The following VEZF1 variants were observed in gnomAD, a reference collection of about 807,000 sequenced individuals.
VEZF1 encodes the protein vascular endothelial zinc finger 1.
Under a neutral mutation model 44.1 loss-of-function variants are expected in VEZF1, and 5 were observed. The ratio of observed to expected loss-of-function variants is 0.11; its 90% CI spans 0.06 to 0.24. The LOEUF (loss-of-function observed/expected upper bound fraction) is 0.24, where lower values mean the gene tolerates loss of function less well. Among genes scored for constraint, VEZF1 ranks in the 10% least tolerant of loss-of-function variants. The probability of loss-of-function intolerance (pLI) is 1.00; values close to 1 mark genes in which losing one functional copy is unlikely to be tolerated. For synonymous variants in VEZF1, 236 were observed against 233.1 expected (o/e 1.01, Z -0.11); for missense variants, 358 against 641.8 (o/e 0.56, Z 4.78).
At chr17:57,983,487 T>C in intron 1 of VEZF1, 94 bp from the exon 2 acceptor site, 1 of 1,117,506 alleles carries the variant, frequency 8.9e-7, no homozygotes, top group African/African-American at 1.6e-5. Context: ...GAAGAAACAG[T>C]CAAAGAACCT....
chr17:57,986,963 G>A (rs2075299913), intron 1 of VEZF1, among the ~76,000 whole-genome samples: 1 of 152,150 alleles, frequency 6.6e-6, no homozygotes, highest in Non-Finnish European at 1.5e-5. Context: ...CATCGCTACT[G>A]CCCACTGAAT....
chr17:57,986,426 G>A (rs2075294314), intron 1 of VEZF1, among the ~76,000 whole-genome samples: 1 of 151,884 alleles, frequency 6.6e-6, no homozygotes, highest in Non-Finnish European at 1.5e-5. Context: ...TTTTTTCTGG[G>A]GAAAGTATTT....
At chr17:57,978,999 T>C (rs2075218964) in intron 5 of VEZF1, among the ~76,000 whole-genome samples, 153 bp downstream of exon 5, 1 of 152,240 alleles carries the variant, frequency 6.6e-6, no homozygotes, top group Admixed American at 6.5e-5. Context: ...TGCCAATAAC[T>C]ATACTTTACC....
In VEZF1 at chr17:57,972,076, A is replaced by G. The variant is rs920543557; in HGVS notation, c.*2397T>C. 1.3e-5 allele frequency: 2 copies of G among 152,676 alleles called. No individual in the cohort carries two copies. Among genetic ancestry groups the G allele is most frequent in the African/African-American group, 4.8e-5 (2 of 41,468 alleles). 9.5% of individuals were successfully genotyped at this position (152,676 alleles called of 1,614,324 possible). ...TTGCAGACAAGCTTCTTAAGTGAAT[A>G]AAGAATGCATACAAAATAGTATTTT... On this transcript the variant is annotated 3_prime_UTR_variant, in exon 6 of 6. Coordinates refer to ENST00000581208, the MANE Select transcript of VEZF1 (RefSeq NM_007146.3).
chr17:57,977,264 G>A (rs575986590), intron 5 of VEZF1, among the ~76,000 whole-genome samples: 1 of 152,044 alleles, frequency 6.6e-6, no homozygotes, highest in African/African-American at 2.4e-5. Context: ...CTACAGACAC[G>A]CACTGTCACG....
chr17:57,985,495 C>T (rs2075286529), intron 1 of VEZF1: 2 of 1,177,284 alleles, frequency 1.7e-6, no homozygotes, highest in Non-Finnish European at 2.1e-6. Flanking sequence ...AAATAACAAC[C>T]ACGGCCAGCC....
intron 4 of VEZF1, among the ~76,000 whole-genome samples, 171 bp downstream of exon 4, chr17:57,980,432 G>C (rs1384039828): frequency 1.3e-5 from 2 of 152,204 alleles, no homozygotes; most frequent in East Asian, 3.8e-4. Flanking sequence ...ATACATGAAA[G>C]TAAAGCATAG....
At chr17:57,985,144 CAGATA>C (rs1274877244) in intron 1 of VEZF1, 1 of 613,488 alleles carries the variant, frequency 1.6e-6, no homozygotes, top group African/African-American at 1.9e-5. Flanking sequence ...GCTAACAGAT[CAGATA>C]ATAGGGAATG....
intron 1 of VEZF1, among the ~76,000 whole-genome samples, chr17:57,987,763 C>T (rs2075312475): frequency 6.6e-6 from 1 of 151,868 alleles, no homozygotes; most frequent in South Asian, 2.1e-4. Flanking sequence ...GGGGTGGTGA[C>T]AGCGACCGGC....
intron 1 of VEZF1, 127 bp from the exon 2 acceptor site, chr17:57,983,520 TC>T: frequency 1.3e-6 from 1 of 770,572 alleles, no homozygotes; most frequent in South Asian, 1.8e-5. Context: ...GCAGTGGTAA[TC>T]CAGCAACCAC....
rs1229760819 is a variant in VEZF1 at position 57,973,732 on chromosome 17, GATTTT to G, written c.*736_*740del. 6.6e-6 allele frequency: 1 copy of G among 151,470 alleles called. No individual in the cohort carries two copies. Among genetic ancestry groups the G allele is most frequent in the Non-Finnish European group, 1.5e-5 (1 of 67,904 alleles). 9.4% of individuals were successfully genotyped at this position (151,470 alleles called of 1,614,324 possible). ...TTTTCTTAGCAAAACACAATTTGTA[GATTTT>G]TTTTAAATTTTTTTTTTTTTTAAAA... On this transcript the variant is annotated 3_prime_UTR_variant, in exon 6 of 6. Coordinates refer to ENST00000581208, the MANE Select transcript of VEZF1 (RefSeq NM_007146.3).
intron 4 of VEZF1, among the ~76,000 whole-genome samples, chr17:57,979,786 G>A (rs1428810661): frequency 2.0e-5 from 3 of 151,558 alleles, no homozygotes; most frequent in East Asian, 1.9e-4. Flanking sequence ...ACGGTGAAAC[G>A]CCGTCTCTAT....
chr17:57,984,025 T>A (rs2075274193), intron 1 of VEZF1, among the ~76,000 whole-genome samples: 1 of 152,246 alleles, frequency 6.6e-6, no homozygotes, highest in Admixed American at 6.5e-5. Flanking sequence ...CTGGAAGGCA[T>A]CTGTGAAGGC....
intron 4 of VEZF1, among the ~76,000 whole-genome samples, chr17:57,979,549 A>C (rs1357683005): frequency 1.4e-5 from 2 of 147,972 alleles, no homozygotes; most frequent in African/African-American, 2.6e-5. Flanking sequence ...TAAAAAAAAA[A>C]CCATCAAAAA....
At chr17:57,978,008 G>C (rs2075209145) in intron 5 of VEZF1, among the ~76,000 whole-genome samples, 1 of 151,974 alleles carries the variant, frequency 6.6e-6, no homozygotes, top group African/African-American at 2.4e-5. Flanking sequence ...TTCAAGACTA[G>C]CCTGGCCAAC....
Position 57,980,618 on chromosome 17 carries a change from G to C in VEZF1, c.961C>G (p.Gln321Glu). The change falls in exon 4 of 6, where the codon CAA becomes GAA. Residue 321 changes from glutamine (Q) to glutamate (E), a missense_variant. Gln to Glu is a conservative substitution (Grantham distance 29). Coordinates refer to ENST00000581208, the MANE Select transcript of VEZF1 (RefSeq NM_007146.3). ...CACCACCTACTTTTACTGATGCCTTGTTTACATGTATTACAGTTGATACTT... is the reference window on the plus strand; with the variant it reads ...CACCACCTACTTTTACTGATGCCTTCTTTACATGTATTACAGTTGATACTT... ...SQSINCNTCK[Q>E]GISKTCMSEE... is the part of the protein sequence containing the mutation. 6.2e-7 allele frequency: 1 copy of C among 1,612,814 alleles called. No individual in the cohort carries two copies. The highest frequency in any genetic ancestry group is 8.5e-7 in the Non-Finnish European group (1 of 1,179,990).
At chr17:57,979,123 T>A (rs376234614) in intron 5 of VEZF1, 29 bp downstream of exon 5, 2 of 1,606,354 alleles carry the variant, frequency 1.2e-6, no homozygotes, top group African/African-American at 2.7e-5. Context: ...TCTCTAGCCA[T>A]ATTTTCAACA....
At chr17:57,985,266 A>G (rs1334918501) in intron 1 of VEZF1, 17 of 1,231,586 alleles carry the variant, frequency 1.4e-5, no homozygotes, top group Non-Finnish European at 1.7e-5. Flanking sequence ...CCATTTTACC[A>G]ATTCAGATGT....
At chr17:57,985,745 G>A (rs1189120798) in intron 1 of VEZF1, among the ~76,000 whole-genome samples, 1 of 152,174 alleles carries the variant, frequency 6.6e-6, no homozygotes, top group Non-Finnish European at 1.5e-5. Context: ...AAAAGATTTT[G>A]TACTGAACAA....
Sources: gnomAD v4.1 joint callset for allele counts (sites outside exome capture counted in the v4.1 genomes callset) on GRCh38, gnomAD v4.1.1 for gene constraint, MANE v1.5 for transcripts, NCBI Gene and HGNC (gene_info 2026-07-23, HGNC 2026-07-21) for gene names.